DNAAF10: variants seen among roughly 807,000 people sequenced by gnomAD.
DNAAF10 encodes the protein dynein axonemal assembly factor 10, also known as WD repeat domain 92.
A neutral mutation model predicts 43.7 loss-of-function variants in DNAAF10; 28 were observed. That is an observed-to-expected ratio of 0.64 (90% CI 0.48 to 0.88). The LOEUF is 0.88. Ranked by LOEUF, DNAAF10 falls within the 40% of genes least tolerant of loss-of-function variation. DNAAF10 has a pLI of 0.00. For missense variants in DNAAF10, 403 were observed against 439.1 expected (o/e 0.92, Z 0.73); for synonymous variants, 156 against 157.3 (o/e 0.99, Z 0.06).
intron 6 of DNAAF10, among the ~76,000 whole-genome samples, chr2:68,136,263 C>G (rs1412890492): frequency 1.4e-5 from 2 of 147,632 alleles, no homozygotes; most frequent in Admixed American, 1.4e-4. Context: ...AACAAAAAAC[C>G]AGAGATGACA....
At chr2:68,157,081 G>T in intron 1 of DNAAF10, 180 bp downstream of exon 1, 1 of 879,672 alleles carries the variant, frequency 1.1e-6, no homozygotes, top group Non-Finnish European at 1.7e-6. Flanking sequence ...CTACCCCGCG[G>T]ATGAGAAGAA....
chr2:68,154,303 G>T (rs1438824027), intron 1 of DNAAF10, among the ~76,000 whole-genome samples: 1 of 151,664 alleles, frequency 6.6e-6, no homozygotes, highest in Non-Finnish European at 1.5e-5. Context: ...CTGGAGTGCA[G>T]TGGCGCGATC....
intron 3 of DNAAF10, among the ~76,000 whole-genome samples, chr2:68,142,590 A>G (rs1381058331): frequency 6.6e-6 from 1 of 152,176 alleles, no homozygotes; most frequent in Non-Finnish European, 1.5e-5. Flanking sequence ...GTTAAGTTTA[A>G]TTTTCCTGTG....
chr2:68,148,450 AT>A (rs1673376863), intron 1 of DNAAF10, among the ~76,000 whole-genome samples: 1 of 152,194 alleles, frequency 6.6e-6, no homozygotes. Flanking sequence ...CCTCCAAAAT[AT>A]ACATATTCGT....
At chr2:68,140,796 G>C (rs1474075352) in intron 4 of DNAAF10, among the ~76,000 whole-genome samples, 1 of 152,092 alleles carries the variant, frequency 6.6e-6, no homozygotes, top group East Asian at 1.9e-4. Flanking sequence ...CATGGGTTCT[G>C]CATCTATAGG....
intron 6 of DNAAF10, among the ~76,000 whole-genome samples, chr2:68,136,824 G>A (rs960063631): frequency 9.2e-5 from 14 of 152,010 alleles, no homozygotes; most frequent in Admixed American, 9.2e-4. Flanking sequence ...AGTTAAGTAA[G>A]TAAATATTTT....
intron 6 of DNAAF10, among the ~76,000 whole-genome samples, chr2:68,135,155 A>G (rs1229664770): frequency 6.6e-6 from 1 of 152,216 alleles, no homozygotes; most frequent in Non-Finnish European, 1.5e-5. Context: ...ATATAAAAAC[A>G]TATACTTTTG....
intron 4 of DNAAF10, among the ~76,000 whole-genome samples, chr2:68,139,781 G>A (rs1673133285): frequency 6.6e-6 from 1 of 150,988 alleles, no homozygotes; most frequent in Non-Finnish European, 1.5e-5. Context: ...TCCAGCCTGG[G>A]CAACAAAGCG....
chr2:68,131,198 G>C lies in DNAAF10; in HGVS notation c.*40C>G. On this transcript the variant is annotated 3_prime_UTR_variant, in exon 8 of 8. Transcript: ENST00000295121. ...CTCCCAAAGTGCTGGGATTACAGGA[G>C]TGAGCCACCGTGCCCAGCCTCAAGT... 6.2e-7 allele frequency: 1 copy of C among 1,605,292 alleles called. No individual in the cohort carries two copies. The highest frequency in any genetic ancestry group is 8.5e-7 in the Non-Finnish European group (1 of 1,172,446).
rs1673009006 is a variant in DNAAF10, at chr2:68,135,072, A to ATCAAATACTT, written c.769-283_769-274dup. On this transcript the variant is annotated intron_variant, in intron 6 of 7. Transcript: ENST00000295121. The stretch of plus-strand genomic sequence containing the variant: ...ATTAAAATCCATTTAAGTTTATAGT[A>ATCAAATACTT]TCAAATACTTATGAAAATAGATTTT... 2.0e-5 allele frequency among the ~76,000 whole-genome samples: 3 copies of ATCAAATACTT among 152,342 alleles called. No homozygotes were observed. In the South Asian group the frequency reaches 6.2e-4, roughly 32 times the overall value.
At chr2:68,137,133 G>A (rs1380276554) in intron 6 of DNAAF10, among the ~76,000 whole-genome samples, 166 bp downstream of exon 6, 1 of 152,070 alleles carries the variant, frequency 6.6e-6, no homozygotes, top group African/African-American at 2.4e-5. Flanking sequence ...TAAACTTTGG[G>A]GAAGTACTCT....
chr2:68,151,632 T>A (rs1335942032), intron 1 of DNAAF10, among the ~76,000 whole-genome samples: 1 of 152,216 alleles, frequency 6.6e-6, no homozygotes, highest in African/African-American at 2.4e-5. Flanking sequence ...TGACCATCCA[T>A]GAATCTCTCA....
chr2:68,137,385 CTAACT>C lies in DNAAF10; in HGVS notation c.677_681del (p.Lys226SerfsTer13). Reference sequence around the variant, plus strand: ...AACTTTCCTTCCAGAGATGTGGCTACTAACTTATTCATACTTATGTCTTTTCTGTC... The same window carrying C: ...AACTTTCCTTCCAGAGATGTGGCTACTATTCATACTTATGTCTTTTCTGTC... On this transcript the variant is annotated frameshift_variant, in exon 6 of 8. Coordinates refer to ENST00000295121, the MANE Select transcript of DNAAF10 (RefSeq NM_138458.4). LOFTEE classifies it high-confidence loss of function. The C allele has an allele frequency of 6.2e-7, 1 of 1,613,470 alleles. No homozygotes were observed. The highest frequency in any genetic ancestry group is 1.1e-5 in the South Asian group (1 of 90,962).
chr2:68,131,537 T>C, intron 7 of DNAAF10, 92 bp from the exon 8 acceptor site: 3 of 1,249,488 alleles, frequency 2.4e-6, no homozygotes, highest in Non-Finnish European at 3.4e-6. Flanking sequence ...TATTTCTCAG[T>C]TGGTTACTGG....
At chr2:68,139,560 A>G (rs7604185) in intron 4 of DNAAF10, among the ~76,000 whole-genome samples, 3,721 of 151,956 alleles carry the variant, frequency 0.024, 135 homozygotes, top group African/African-American at 0.082. Flanking sequence ...TTCAATTTAA[A>G]TAAAATGCTT....
At chr2:68,131,516 TTCAATGAC>T in intron 7 of DNAAF10, 71 bp from the exon 8 acceptor site, 1 of 1,431,942 alleles carries the variant, frequency 7.0e-7, no homozygotes, top group Non-Finnish European at 9.8e-7. Context: ...ATACATACAC[TTCAATGAC>T]TCTATTTCTC....
intron 7 of DNAAF10, among the ~76,000 whole-genome samples, chr2:68,132,873 G>A (rs968905263): frequency 7.9e-5 from 12 of 152,220 alleles, no homozygotes; most frequent in African/African-American, 2.9e-4. Flanking sequence ...TAACTTTACT[G>A]ACGGAACTAA....
intron 6 of DNAAF10, among the ~76,000 whole-genome samples, chr2:68,135,256 T>C (rs551170122): frequency 6.4e-4 from 98 of 152,292 alleles, no homozygotes; most frequent in Non-Finnish European, 9.3e-4. Context: ...CAGCAATAAG[T>C]ACATAGACTG....
chr2:68,146,417 A>G (rs555640612), intron 2 of DNAAF10, among the ~76,000 whole-genome samples: 14 of 152,330 alleles, frequency 9.2e-5, no homozygotes, highest in Middle Eastern at 3.4e-3. Context: ...TTTTAACATG[A>G]AATTATAAGA....
Sources: gnomAD v4.1 joint callset for allele counts (sites outside exome capture counted in the v4.1 genomes callset) on GRCh38, gnomAD v4.1.1 for gene constraint, MANE v1.5 for transcripts, NCBI Gene and HGNC (gene_info 2026-07-23, HGNC 2026-07-21) for gene names.